The following SHC2 variants were observed in gnomAD, a reference collection of about 807,000 sequenced individuals.
SHC2 encodes the protein SHC-transforming protein 2.
SHC2 carries 62 observed loss-of-function variants against 60.6 expected under a neutral mutation model. That is an observed-to-expected ratio of 1.02 (90% confidence interval 0.83 to 1.26). The LOEUF (loss-of-function observed/expected upper bound fraction) is 1.26, where lower values mean the gene tolerates loss of function less well. SHC2 is among the 50% of genes most tolerant of loss of function. The pLI, the probability that SHC2 is intolerant of heterozygous loss-of-function variation, is 0.00. For missense variants in SHC2, 873 were observed against 822.2 expected (o/e 1.06, Z -0.76); for synonymous variants, 375 against 372.4 (o/e 1.01, Z -0.08).
chr19:457,121 G>A (rs867526291), intron 1 of SHC2, among the ~76,000 whole-genome samples: 3,235 of 117,816 alleles, frequency 0.027, 27 homozygotes, highest in Middle Eastern at 0.045. Context: ...CACCTGCTGT[G>A]CCCCGACTAG....
intron 12 of SHC2, among the ~76,000 whole-genome samples, chr19:417,604 T>G (rs1477783853): frequency 6.6e-6 from 1 of 152,238 alleles, no homozygotes; most frequent in African/African-American, 2.4e-5. Context: ...GTTGAGCACA[T>G]TCCTGGGACA....
chr19:431,101 C>T (rs1035981470), intron 8 of SHC2, among the ~76,000 whole-genome samples: 18 of 146,254 alleles, frequency 1.2e-4, no homozygotes, highest in East Asian at 4.2e-4. Context: ...GGAAGGCCTC[C>T]GGACCGCCCT....
At chr19:420,964 C>T (rs544766095) in intron 11 of SHC2, among the ~76,000 whole-genome samples, 2 of 152,010 alleles carry the variant, frequency 1.3e-5, no homozygotes, top group South Asian at 2.1e-4. Context: ...GCAGGAGAAT[C>T]GCTTGAACCC....
intron 9 of SHC2, 121 bp downstream of exon 9, chr19:430,563 A>C: frequency 1.3e-6 from 1 of 744,090 alleles, no homozygotes; most frequent in South Asian, 1.8e-5. Flanking sequence ...GAGCAAGACG[A>C]TCTCATAGAT....
chr19:454,821 C>T (rs2392793), intron 1 of SHC2, among the ~76,000 whole-genome samples: 61,385 of 151,708 alleles, frequency 0.4, 15,246 homozygotes, highest in Non-Finnish European at 0.56. Flanking sequence ...GAAATGCTTC[C>T]TCACACAGGC....
At chr19:452,878 G>A (rs945963855) in intron 1 of SHC2, among the ~76,000 whole-genome samples, 4 of 152,176 alleles carry the variant, frequency 2.6e-5, no homozygotes, top group African/African-American at 9.7e-5. Context: ...ATTTGCAACA[G>A]GTTCCCAGAT....
intron 1 of SHC2, among the ~76,000 whole-genome samples, chr19:450,909 A>C (rs960919532): frequency 7.0e-6 from 1 of 142,926 alleles, no homozygotes; most frequent in East Asian, 2.1e-4. Context: ...CAGCGTGTGG[A>C]TGGCCATGCC....
At position 438,784 on chromosome 19, in the gene SHC2, G is replaced by C; in HGVS notation, c.654C>G (p.Ala218=). The stretch of plus-strand genomic sequence containing the variant: ...AGATGTGGATGGAGATGCTCATGCC[G>C]GCAAAGCGAAGGTTGCTCTTGCCCA... ...SVLGKSNLRF[A]GMSISIHIST... The change falls in exon 4 of 13, where the codon GCC becomes GCG. Residue 218 remains alanine (A), a synonymous_variant. Coordinates refer to ENST00000264554, the MANE Select transcript of SHC2 (RefSeq NM_012435.3). This position sits in a 1 kb window ranked among gnomAD's most constrained non-coding sequence, Gnocchi z 5.0. 1.3e-6 allele frequency: 2 copies of C among 1,576,110 alleles called. No homozygotes were observed. Among genetic ancestry groups the C allele is most frequent in the South Asian group, 2.3e-5 (2 of 85,684 alleles).
chr19:436,473 C>A, intron 5 of SHC2, 42 bp from the exon 6 acceptor site: 1 of 1,601,484 alleles, frequency 6.2e-7, no homozygotes. Flanking sequence ...CTGGGCCCCC[C>A]ACCGGGATTC....
At chr19:452,498 G>T (rs1056353057) in intron 1 of SHC2, among the ~76,000 whole-genome samples, 1 of 132,388 alleles carries the variant, frequency 7.6e-6, no homozygotes, top group Admixed American at 7.6e-5. Flanking sequence ...TACTGACTTG[G>T]GGGGAGTTCC....
intron 1 of SHC2, among the ~76,000 whole-genome samples, chr19:454,948 G>T (rs745556078): frequency 2.0e-5 from 3 of 152,208 alleles, no homozygotes; most frequent in Non-Finnish European, 4.4e-5. Flanking sequence ...CGCATCGCTC[G>T]TCTCTGCCCC....
rs557558550 is a variant in SHC2 at position 453,970 on chromosome 19, C to T, written c.468+6559G>A. ...TGGTACGTGTGGGAGAACACGGGGT[C>T]GGTGTCCACAGACCTTGGCACGAAC... On this transcript the variant is annotated intron_variant, in intron 1 of 12. Coordinates refer to ENST00000264554, the MANE Select transcript of SHC2 (RefSeq NM_012435.3). The surrounding 1 kb of genome is among the most constrained non-coding windows in gnomAD (Gnocchi z 6.3). Among the ~76,000 whole-genome samples the T allele has an allele frequency of 2.4e-4, 36 of 152,346 alleles. No homozygotes were observed. The highest frequency in any genetic ancestry group is 8.4e-4 in the African/African-American group (35 of 41,588).
intron 9 of SHC2, among the ~76,000 whole-genome samples, chr19:427,802 AGCACACGGAAGGGGGCG>A (rs1462191385): frequency 2.2e-5 from 2 of 92,378 alleles, no homozygotes; most frequent in Admixed American, 1.3e-4. Flanking sequence ...GACGGCGCAC[AGCACACGGAAGGGGGCG>A]GCACAGGGAA....
At chr19:418,806 C>A in intron 12 of SHC2, 117 bp downstream of exon 12, 1 of 1,192,912 alleles carries the variant, frequency 8.4e-7, no homozygotes, top group Non-Finnish European at 1.1e-6. Flanking sequence ...CTGAACACCC[C>A]TGAGTCGTGC....
Position 446,851 on chromosome 19 carries a change from C to T in SHC2, c.469-5919G>A, listed in dbSNP as rs932504801. ...GATGGCACCTGGCCGGCCTCACGCA[C>T]GCAGCAGGCCAGGGCAGATACAAGC... On this transcript the variant is annotated intron_variant, in intron 1 of 12. Coordinates refer to ENST00000264554, the MANE Select transcript of SHC2 (RefSeq NM_012435.3). This position sits in a 1 kb window ranked among gnomAD's most constrained non-coding sequence, Gnocchi z 5.4. Among the ~76,000 whole-genome samples, 7 of 152,288 alleles carry T rather than the reference C, an allele frequency of 4.6e-5. No homozygotes were observed. Among genetic ancestry groups the T allele is most frequent in the African/African-American group, 9.6e-5 (4 of 41,556 alleles).
rs1265669493 is a variant in SHC2 at position 424,690 on chromosome 19, G to C, written c.1309+407C>G. ...CAGACCGGGGGTTCCGACAGAGGCA[G>C]GTGGGTTACCCCCGAGAGAGTGGAG... On this transcript the variant is annotated intron_variant, in intron 10 of 12. Coordinates refer to ENST00000264554, the MANE Select transcript of SHC2 (RefSeq NM_012435.3). The surrounding 1 kb of genome is among the most constrained non-coding windows in gnomAD (Gnocchi z 4.5). Among the ~76,000 whole-genome samples, 17 of 152,204 alleles carry C rather than the reference G, an allele frequency of 1.1e-4. No homozygotes were observed. Among genetic ancestry groups the C allele is most frequent in the Non-Finnish European group, 1.5e-4 (10 of 68,042 alleles).
intron 1 of SHC2, among the ~76,000 whole-genome samples, chr19:458,595 G>A (rs1192430253): frequency 4.1e-5 from 5 of 120,802 alleles, no homozygotes; most frequent in African/African-American, 1.2e-4. Flanking sequence ...TCCGGGGGAC[G>A]GGGAAGTGGG....
In SHC2 at chr19:442,514, G is replaced by A. The variant is rs1176405887; in HGVS notation, c.469-1582C>T. Among the ~76,000 whole-genome samples the A allele has an allele frequency of 6.1e-5, 6 of 99,172 alleles. No homozygotes were observed. The Admixed American group carries it at 6.2e-4, about 10-fold the overall frequency. The allele number at this position is 99,172 out of a possible 152,430, so 65.1% of individuals were successfully genotyped here. ...GGATGGATGGATGGACGGATGGATGGATGGATGGGTGGGTGGATGGATGGG... is the reference window on the plus strand; with the variant it reads ...GGATGGATGGATGGACGGATGGATGAATGGATGGGTGGGTGGATGGATGGG... On this transcript the variant is annotated intron_variant, in intron 1 of 12. Coordinates refer to ENST00000264554, the MANE Select transcript of SHC2 (RefSeq NM_012435.3).
In SHC2 at chr19:446,588, A is replaced by C. The variant is rs976920186; in HGVS notation, c.469-5656T>G. ...CCAAAGTGCTGGGACTACAGGCGTG[A>C]GTCACCGCGCCCGGCTGTCTGTGTT... On this transcript the variant is annotated intron_variant, in intron 1 of 12. Coordinates refer to ENST00000264554, the MANE Select transcript of SHC2 (RefSeq NM_012435.3). The surrounding 1 kb of genome is among the most constrained non-coding windows in gnomAD (Gnocchi z 5.4). Among the ~76,000 whole-genome samples, 1 of 152,088 alleles carries C rather than the reference A, an allele frequency of 6.6e-6. No individual in the cohort carries two copies. The highest frequency in any genetic ancestry group is 1.5e-5 in the Non-Finnish European group (1 of 68,014).
Sources: allele counts gnomAD v4.1 joint callset (sites outside exome capture counted in the v4.1 genomes callset), GRCh38; gene constraint gnomAD v4.1.1; non-coding constraint Gnocchi (gnomAD v3.1); transcripts MANE v1.5; gene names NCBI Gene and HGNC (gene_info 2026-07-23, HGNC 2026-07-21).